Variants in UNC5C observed in about 807,000 individuals in gnomAD.
UNC5C encodes the protein netrin receptor UNC5C.
UNC5C carries 47 observed loss-of-function variants against 99.8 expected under a neutral mutation model. The ratio of observed to expected loss-of-function variants is 0.47; its 90% confidence interval spans 0.37 to 0.60. The LOEUF (loss-of-function observed/expected upper bound fraction) is 0.60, where lower values mean the gene tolerates loss of function less well. Among genes scored for constraint, UNC5C ranks in the 20% least tolerant of loss-of-function variants. The pLI, the probability that UNC5C is intolerant of heterozygous loss-of-function variation, is 0.00. For missense variants in UNC5C, 1,062 were observed against 1,165.9 expected, an observed-to-expected ratio of 0.91 and a Z score of 1.30; for synonymous variants, 487 against 452.2, an observed-to-expected ratio of 1.08 and a Z score of -0.98.
intron 1 of UNC5C, among the ~76,000 whole-genome samples, chr4:95,483,994 T>A (rs1721251955): frequency 6.6e-6 from 1 of 151,808 alleles, no homozygotes; most frequent in South Asian, 2.1e-4. Context: ...AAATGGTGAA[T>A]TTAAGAGTCC....
chr4:95,169,538 T>A, intron 15 of UNC5C, 139 bp from the exon 16 acceptor site: 1 of 891,406 alleles, frequency 1.1e-6, no homozygotes. Flanking sequence ...CCTAAATAAC[T>A]AGCCCATGCT....
chr4:95,457,627 C>T (rs1004332433), intron 1 of UNC5C, among the ~76,000 whole-genome samples: 11 of 152,118 alleles, frequency 7.2e-5, no homozygotes, highest in East Asian at 1.9e-4. Flanking sequence ...CAGGGTCAAA[C>T]TGAAGTTTTT....
chr4:95,529,726 CA>C (rs879590978), intron 1 of UNC5C, among the ~76,000 whole-genome samples: 26 of 144,828 alleles, frequency 1.8e-4, no homozygotes, highest in South Asian at 8.8e-4. Flanking sequence ...GACCCTGTCT[CA>C]AAAAAAAAAT....
At chr4:95,464,458 A>C (rs1266927297) in intron 1 of UNC5C, among the ~76,000 whole-genome samples, 2 of 152,202 alleles carry the variant, frequency 1.3e-5, no homozygotes, top group Non-Finnish European at 2.9e-5. Context: ...ATTGGATGGT[A>C]TCCTGGTTGG....
At chr4:95,378,509 C>A (rs1744962956) in intron 1 of UNC5C, among the ~76,000 whole-genome samples, 1 of 152,054 alleles carries the variant, frequency 6.6e-6, no homozygotes, top group Non-Finnish European at 1.5e-5. Flanking sequence ...TTTGCAAATT[C>A]TAATTAGTAA....
intron 1 of UNC5C, among the ~76,000 whole-genome samples, chr4:95,537,453 A>G (rs1339091276): frequency 6.6e-6 from 1 of 152,186 alleles, no homozygotes; most frequent in Non-Finnish European, 1.5e-5. Context: ...CCTGTTCTCA[A>G]CACACATTAG....
At chr4:95,355,166 T>A (rs1744135432) in intron 1 of UNC5C, among the ~76,000 whole-genome samples, 1 of 152,156 alleles carries the variant, frequency 6.6e-6, no homozygotes, top group South Asian at 2.1e-4. Flanking sequence ...ACTTCTGACA[T>A]TTCACCAAAT....
intron 14 of UNC5C, among the ~76,000 whole-genome samples, chr4:95,182,362 T>C (rs1416133824): frequency 6.6e-6 from 1 of 152,122 alleles, no homozygotes; most frequent in African/African-American, 2.4e-5. Context: ...TAGAGAATGA[T>C]AGAGAGAAAG....
intron 1 of UNC5C, among the ~76,000 whole-genome samples, chr4:95,471,827 G>T (rs1362832870): frequency 2.7e-5 from 4 of 150,756 alleles, no homozygotes; most frequent in African/African-American, 9.7e-5. Flanking sequence ...TATGCATTTT[G>T]TCTTTTTTTT....
chr4:95,313,693 A>G (rs1320095695), intron 2 of UNC5C, among the ~76,000 whole-genome samples: 1 of 152,146 alleles, frequency 6.6e-6, no homozygotes, highest in Non-Finnish European at 1.5e-5. Flanking sequence ...TCTATTGAGG[A>G]TTGCTATTTG....
chr4:95,391,907 G>A (rs1227827011), intron 1 of UNC5C, among the ~76,000 whole-genome samples: 3 of 151,986 alleles, frequency 2.0e-5, no homozygotes, highest in Non-Finnish European at 4.4e-5. Context: ...AGAAACCCCA[G>A]CTCTAGCTGA....
rs1269891220 is a variant in UNC5C, at chr4:95,481,829, C to T, written c.124+66905G>A. 7.4e-4 allele frequency among the ~76,000 whole-genome samples: 112 copies of T among 151,972 alleles called. 2 individuals carry two copies. The highest frequency in any genetic ancestry group is 7.2e-3 in the Admixed American group (110 of 15,236). ...ATATGTAGAAAGCTGAAAGTGGATC[C>T]CTTCCTTACATCTTATACAAAAATT... On this transcript the variant is annotated intron_variant, in intron 1 of 15. Coordinates refer to ENST00000453304, the MANE Select transcript of UNC5C (RefSeq NM_003728.4).
intron 3 of UNC5C, among the ~76,000 whole-genome samples, chr4:95,298,112 C>A (rs957989001): frequency 2.6e-5 from 4 of 152,316 alleles, no homozygotes; most frequent in Admixed American, 2.6e-4. Flanking sequence ...GAGTTTGAGA[C>A]CAGCCTCGGT....
At chr4:95,489,935 T>C (rs1003745711) in intron 1 of UNC5C, among the ~76,000 whole-genome samples, 8 of 151,646 alleles carry the variant, frequency 5.3e-5, no homozygotes, top group African/African-American at 1.9e-4. Flanking sequence ...GTCATTAGCA[T>C]ATAAGTCAAA....
intron 1 of UNC5C, among the ~76,000 whole-genome samples, chr4:95,489,663 T>G (rs1033266483): frequency 6.6e-6 from 1 of 151,716 alleles, no homozygotes; most frequent in African/African-American, 2.4e-5. Context: ...TGTGGGAGAC[T>G]GTTAGTAGAT....
rs137956663 is a variant in UNC5C, at chr4:95,395,221, G to T, written c.125-59590C>A. On this transcript the variant is annotated intron_variant, in intron 1 of 15. Coordinates refer to ENST00000453304, the MANE Select transcript of UNC5C (RefSeq NM_003728.4). ...GAATAAAATGCTAATCGGATGCAAA[G>T]TTATTTGCTTTTTGGGAATGTACTT... 3.3e-3 allele frequency among the ~76,000 whole-genome samples: 496 copies of T among 152,250 alleles called. 7 individuals are homozygous for T. The highest frequency in any genetic ancestry group is 0.011 in the African/African-American group (471 of 41,538).
intron 1 of UNC5C, among the ~76,000 whole-genome samples, chr4:95,385,483 G>A (rs886791276): frequency 6.6e-6 from 1 of 152,088 alleles, no homozygotes; most frequent in East Asian, 1.9e-4. Flanking sequence ...ATAGCACAGT[G>A]TATTATTCCA....
chr4:95,374,307 T>G (rs971626128), intron 1 of UNC5C, among the ~76,000 whole-genome samples: 2 of 152,196 alleles, frequency 1.3e-5, no homozygotes, highest in African/African-American at 4.8e-5. Context: ...CCTCTAATCT[T>G]GACAAATATA....
At chr4:95,380,885 C>T (rs979039120) in intron 1 of UNC5C, among the ~76,000 whole-genome samples, 1 of 152,136 alleles carries the variant, frequency 6.6e-6, no homozygotes, top group East Asian at 1.9e-4. Flanking sequence ...ATGGCTCTCC[C>T]AGGGACCATG....
Sources: gnomAD v4.1 joint callset for allele counts (sites outside exome capture counted in the v4.1 genomes callset) on GRCh38, gnomAD v4.1.1 for gene constraint, MANE v1.5 for transcripts, NCBI Gene and HGNC (gene_info 2026-07-23, HGNC 2026-07-21) for gene names.